The following EPB41L1 variants were observed in gnomAD, a reference collection of about 807,000 sequenced individuals.
EPB41L1 encodes the protein erythrocyte membrane protein band 4.1 like 1, also known as band 4.1-like protein 1.
Under a neutral mutation model 97.8 loss-of-function variants are expected in EPB41L1, and 29 were observed. The observed-to-expected ratio is 0.30, with a 90% CI of 0.22 to 0.40. The LOEUF is 0.40. Ranked by LOEUF, EPB41L1 falls within the 10% of genes least tolerant of loss-of-function variation. EPB41L1 has a pLI of 1.00. For missense variants in EPB41L1, 812 were observed against 1,162.3 expected (o/e 0.70, Z 4.38); for synonymous variants, 383 against 459.2 (o/e 0.83, Z 2.12).
At chr20:36,160,145 T>C (rs2060469937) in intron 1 of EPB41L1, among the ~76,000 whole-genome samples, 1 of 152,182 alleles carries the variant, frequency 6.6e-6, no homozygotes. Flanking sequence ...TGAACATAGA[T>C]ACAGATTGGA....
intron 2 of EPB41L1, among the ~76,000 whole-genome samples, chr20:36,141,650 T>C (rs1227537540): frequency 6.6e-6 from 1 of 152,256 alleles, no homozygotes; most frequent in South Asian, 2.1e-4. Context: ...AGACCTTTCT[T>C]ATATAAATAT....
At chr20:36,184,228 C>T (rs1464965274) in intron 6 of EPB41L1, among the ~76,000 whole-genome samples, 2 of 151,066 alleles carry the variant, frequency 1.3e-5, no homozygotes, top group African/African-American at 4.9e-5. Flanking sequence ...GAGTGAGACT[C>T]CATCTCAAAA....
intron 13 of EPB41L1, among the ~76,000 whole-genome samples, chr20:36,196,841 C>G (rs1290502729): frequency 1.3e-5 from 2 of 152,250 alleles, no homozygotes; most frequent in Admixed American, 1.3e-4. Flanking sequence ...GCCAGATAAA[C>G]AGCTTTTGGC....
chr20:36,095,002 A>C (rs1601180093), intron 1 of EPB41L1, among the ~76,000 whole-genome samples: 1 of 147,346 alleles, frequency 6.8e-6, no homozygotes, highest in East Asian at 2.0e-4. Flanking sequence ...ACAGAGTTTC[A>C]CTCTTGTCGC....
intron 14 of EPB41L1, chr20:36,205,813 T>A (rs879467879): frequency 7.9e-7 from 1 of 1,259,302 alleles, no homozygotes; most frequent in Admixed American, 2.6e-5. Context: ...TACCTGATAT[T>A]TCATGTTAAC....
intron 1 of EPB41L1, among the ~76,000 whole-genome samples, chr20:36,159,890 G>T (rs1300082579): frequency 1.3e-5 from 2 of 152,170 alleles, no homozygotes; most frequent in African/African-American, 2.4e-5. Context: ...GCCCCAGTTT[G>T]CCCAGCTGTA....
At chr20:36,158,976 T>C (rs1274098514) in intron 1 of EPB41L1, among the ~76,000 whole-genome samples, 1 of 152,202 alleles carries the variant, frequency 6.6e-6, no homozygotes, top group East Asian at 1.9e-4. Context: ...GGCAACCGTA[T>C]GATCCACAGG....
intron 2 of EPB41L1, chr20:36,125,437 C>T: frequency 3.6e-6 from 3 of 828,950 alleles, no homozygotes; most frequent in Non-Finnish European, 6.0e-6. Context: ...CTGTTCGTAC[C>T]TGCCTCATGG....
At position 36,155,719 on chromosome 20, in the gene EPB41L1, A is replaced by G. The variant is rs114055450; in HGVS notation, c.-15+823A>G. On this transcript the variant is annotated intron_variant, in intron 1 of 21. Coordinates refer to ENST00000338074, the MANE Select transcript of EPB41L1 (RefSeq NM_012156.2). The stretch of plus-strand genomic sequence containing the variant: ...CTGGTCTCTCCCTCAGCTGCCAGCC[A>G]TCGTCGTTGCTTTTCCCTCGGAGCT... 52 of 442,302 alleles carry G rather than the reference A, an allele frequency of 1.2e-4. No homozygotes were observed. In the Middle Eastern group the frequency reaches 1.3e-3, roughly 11 times the overall value. 27.4% of individuals were successfully genotyped at this position (442,302 alleles called of 1,614,324 possible).
chr20:36,191,142 C>A (rs1389215849), intron 11 of EPB41L1, among the ~76,000 whole-genome samples: 1 of 151,988 alleles, frequency 6.6e-6, no homozygotes, highest in African/African-American at 2.4e-5. Context: ...TAACCTTGGG[C>A]CTGGCAGTGC....
At chr20:36,123,123 C>G (rs1385949547) in intron 2 of EPB41L1, among the ~76,000 whole-genome samples, 1 of 151,856 alleles carries the variant, frequency 6.6e-6, no homozygotes, top group African/African-American at 2.4e-5. Flanking sequence ...CTCCACTTAC[C>G]CTGAGACCAT....
At chr20:36,176,138 C>A (rs1216181822) in intron 3 of EPB41L1, among the ~76,000 whole-genome samples, 1 of 152,168 alleles carries the variant, frequency 6.6e-6, no homozygotes, top group Non-Finnish European at 1.5e-5. Flanking sequence ...GTCCAGGGCA[C>A]CATCTCAAGT....
intron 2 of EPB41L1, among the ~76,000 whole-genome samples, chr20:36,139,148 A>T (rs1359060485): frequency 6.6e-6 from 1 of 152,190 alleles, no homozygotes. Flanking sequence ...GGGTACAGGG[A>T]CGCTGTACCC....
Position 36,094,313 on chromosome 20 carries a change from T to C in EPB41L1, c.-65+2701T>C, listed in dbSNP as rs2057760713. On this transcript the variant is annotated intron_variant, in intron 1 of 19. Transcript: ENST00000202028. ...TGCCAAATGGAATAGAAGAGAAACA[T>C]TCTGTACCGGGCCACGCCATTTTTG... 1.3e-5 allele frequency among the ~76,000 whole-genome samples: 2 copies of C among 152,222 alleles called. 1 individual carries two copies. The highest frequency in any genetic ancestry group is 4.1e-4 in the South Asian group (2 of 4,834).
intron 18 of EPB41L1, 141 bp from the exon 19 acceptor site, chr20:36,219,620 T>C (rs998322719): frequency 3.1e-5 from 22 of 719,786 alleles, no homozygotes; most frequent in Admixed American, 8.2e-5. Context: ...GATTCTAGTA[T>C]TCTTGAATTC....
intron 1 of EPB41L1, among the ~76,000 whole-genome samples, chr20:36,094,184 A>ATG (rs1055499191): frequency 2.6e-5 from 4 of 152,012 alleles, no homozygotes; most frequent in African/African-American, 7.3e-5. Flanking sequence ...CTTGATGTAT[A>ATG]TGTGTGTGTG....
At chr20:36,214,287 T>C (rs908683878) in intron 16 of EPB41L1, 70 bp from the exon 17 acceptor site, 3 of 1,280,968 alleles carry the variant, frequency 2.3e-6, no homozygotes, top group African/African-American at 2.9e-5. Context: ...TGGGAGGCCG[T>C]GAGCCCAGGT....
intron 1 of EPB41L1, among the ~76,000 whole-genome samples, chr20:36,112,201 C>T (rs898258288): frequency 6.6e-6 from 1 of 152,204 alleles, no homozygotes; most frequent in African/African-American, 2.4e-5. Context: ...GAATCTTCTC[C>T]TTGGCCTCCA....
At chr20:36,128,393 A>G (rs894807508) in intron 2 of EPB41L1, among the ~76,000 whole-genome samples, 1 of 152,188 alleles carries the variant, frequency 6.6e-6, no homozygotes, top group African/African-American at 2.4e-5. Flanking sequence ...TGGCAGTGCC[A>G]AAAAGCAGGG....
Sources: allele counts gnomAD v4.1 joint callset (sites outside exome capture counted in the v4.1 genomes callset), GRCh38; gene constraint gnomAD v4.1.1; transcripts MANE v1.5; gene names NCBI Gene and HGNC (gene_info 2026-07-23, HGNC 2026-07-21).